EGFLAM: variants seen among roughly 807,000 people sequenced by gnomAD.
EGFLAM encodes pikachurin.
In EGFLAM, 79 loss-of-function variants were observed where a neutral mutation model predicts 113.1. That is an observed-to-expected ratio of 0.70 (90% CI 0.58 to 0.84). EGFLAM has a LOEUF of 0.84. EGFLAM is among the 40% of genes least tolerant of loss of function. The pLI is 0.00. For missense variants in EGFLAM, 1,265 were observed against 1,291.6 expected (o/e 0.98, Z 0.32); for synonymous variants, 504 against 487.6 (o/e 1.03, Z -0.44).
intron 17 of EGFLAM, among the ~76,000 whole-genome samples, chr5:38,447,362 C>T (rs1032933377): frequency 2.6e-5 from 4 of 152,174 alleles, no homozygotes; most frequent in Non-Finnish European, 4.4e-5. Flanking sequence ...GCAAATCCTC[C>T]ATGCTTTCTA....
chr5:38,448,160 A>G (rs1742780529), intron 17 of EGFLAM, 141 bp from the exon 18 acceptor site: 1 of 894,640 alleles, frequency 1.1e-6, no homozygotes, highest in African/African-American at 1.6e-5. Flanking sequence ...CTGGCCAAAT[A>G]TGCGTGCAGC....
Position 38,438,758 on chromosome 5 carries a change from G to A in EGFLAM, c.2464+303G>A, listed in dbSNP as rs1255640328. The stretch of plus-strand genomic sequence containing the variant: ...AACCCAAGAGTTAACCCATAACAGA[G>A]TAGGGGTTTCCAGGACTTTTGCATC... On this transcript the variant is annotated intron_variant, in intron 17 of 21. Coordinates refer to ENST00000322350, the MANE Select transcript of EGFLAM (RefSeq NM_152403.4). 3.9e-5 allele frequency among the ~76,000 whole-genome samples: 6 copies of A among 152,284 alleles called. No homozygotes were observed. The East Asian group carries it at 9.6e-4, about 24-fold the overall frequency.
At chr5:38,328,799 G>T (rs1738959863) in intron 1 of EGFLAM, among the ~76,000 whole-genome samples, 1 of 125,768 alleles carries the variant, frequency 8.0e-6, no homozygotes, top group Admixed American at 9.3e-5. Context: ...TTATTAATAT[G>T]CATAAGTTTT....
At chr5:38,351,968 T>C (rs1328363549) in intron 4 of EGFLAM, among the ~76,000 whole-genome samples, 1 of 152,166 alleles carries the variant, frequency 6.6e-6, no homozygotes, top group Non-Finnish European at 1.5e-5. Flanking sequence ...CAGCTCTCAT[T>C]GACTCGAACC....
chr5:38,460,188 G>A (rs570710494), intron 20 of EGFLAM, among the ~76,000 whole-genome samples: 31 of 152,282 alleles, frequency 2.0e-4, no homozygotes, highest in African/African-American at 7.5e-4. Context: ...GGAACATCAG[G>A]GAACAACACC....
chr5:38,366,825 A>G (rs1740072902), intron 5 of EGFLAM, among the ~76,000 whole-genome samples: 1 of 152,190 alleles, frequency 6.6e-6, no homozygotes, highest in Non-Finnish European at 1.5e-5. Context: ...CCTGCATACA[A>G]TTTCTGAGAG....
At chr5:38,427,773 T>C (rs1458625643) in intron 14 of EGFLAM, among the ~76,000 whole-genome samples, 3 of 152,196 alleles carry the variant, frequency 2.0e-5, no homozygotes, top group African/African-American at 4.8e-5. Flanking sequence ...TCATCAGCAA[T>C]GCAGAGACCC....
intron 6 of EGFLAM, among the ~76,000 whole-genome samples, chr5:38,387,516 A>G (rs1473675053): frequency 1.3e-5 from 2 of 152,204 alleles, no homozygotes; most frequent in African/African-American, 2.4e-5. Flanking sequence ...AAATCACTGC[A>G]GAAACTCTTC....
chr5:38,366,336 G>T (rs1740059485), intron 5 of EGFLAM, among the ~76,000 whole-genome samples: 1 of 152,150 alleles, frequency 6.6e-6, no homozygotes, highest in Admixed American at 6.5e-5. Context: ...GCTTCCTACT[G>T]GTCCTTAGAG....
intron 11 of EGFLAM, among the ~76,000 whole-genome samples, chr5:38,417,359 A>AAAAAAAAAAAC (rs1561080130): frequency 5.4e-5 from 8 of 149,282 alleles, no homozygotes; most frequent in African/African-American, 1.8e-4. Context: ...AAAAAAAAAA[A>AAAAAAAAAAAC]AAAAAAAAAA....
At chr5:38,275,901 A>C (rs1281521808) in intron 1 of EGFLAM, among the ~76,000 whole-genome samples, 2 of 152,232 alleles carry the variant, frequency 1.3e-5, no homozygotes, top group Non-Finnish European at 2.9e-5. Flanking sequence ...AACTAGACAT[A>C]AATAACAGGA....
At chr5:38,359,501 C>A (rs528779810) in intron 5 of EGFLAM, among the ~76,000 whole-genome samples, 31 of 152,252 alleles carry the variant, frequency 2.0e-4, no homozygotes, top group South Asian at 8.3e-4. Context: ...ATGGTGAAAC[C>A]CTATCTCTGC....
chr5:38,403,589 G>A (rs1427426152), intron 6 of EGFLAM: 3 of 457,272 alleles, frequency 6.6e-6, no homozygotes, highest in Admixed American at 7.0e-5. Context: ...TATGGAGCAC[G>A]GATATGCCAG....
intron 14 of EGFLAM, chr5:38,430,213 T>C (rs1224892605): frequency 1.3e-5 from 2 of 157,166 alleles, no homozygotes; most frequent in East Asian, 1.7e-4. Context: ...TTATTTTTTA[T>C]GCGTTTCAAA....
At chr5:38,390,522 A>T (rs1740782174) in intron 6 of EGFLAM, among the ~76,000 whole-genome samples, 1 of 152,210 alleles carries the variant, frequency 6.6e-6, no homozygotes, top group Non-Finnish European at 1.5e-5. Context: ...TTTGAAGTGC[A>T]ACTGCTATAT....
chr5:38,266,236 G>A (rs557913084), intron 1 of EGFLAM, among the ~76,000 whole-genome samples: 1 of 152,290 alleles, frequency 6.6e-6, no homozygotes, highest in East Asian at 1.9e-4. Context: ...GCTTGGGTAA[G>A]AGCACATATT....
chr5:38,451,757 G>C (rs778664588), intron 19 of EGFLAM: 1 of 273,766 alleles, frequency 3.7e-6, no homozygotes. Flanking sequence ...TCGGGAGGCC[G>C]AGGTGGGCAG....
intron 6 of EGFLAM, among the ~76,000 whole-genome samples, chr5:38,386,216 A>G (rs1561060937): frequency 6.6e-6 from 1 of 152,230 alleles, no homozygotes; most frequent in Non-Finnish European, 1.5e-5. Flanking sequence ...TTTCACAAAT[A>G]CTTTGTTGTT....
chr5:38,310,991 C>G (rs750934493), intron 1 of EGFLAM, among the ~76,000 whole-genome samples: 11 of 151,998 alleles, frequency 7.2e-5, no homozygotes, highest in Admixed American at 1.3e-4. Context: ...GCCCTGCGAC[C>G]CTTCCTCTGC....
Sources: allele counts gnomAD v4.1 joint callset (sites outside exome capture counted in the v4.1 genomes callset), GRCh38; gene constraint gnomAD v4.1.1; transcripts MANE v1.5; gene names NCBI Gene and HGNC (gene_info 2026-07-23, HGNC 2026-07-21).